Variants in ARHGEF1 observed in about 807,000 individuals in gnomAD.
ARHGEF1 encodes 115 kDa guanine nucleotide exchange factor.
In ARHGEF1, 40 loss-of-function variants were observed where a neutral mutation model predicts 119.7. That is an observed-to-expected ratio of 0.33 (90% CI 0.26 to 0.44). ARHGEF1 has a LOEUF of 0.44. Ranked by LOEUF, ARHGEF1 falls within the 20% of genes least tolerant of loss-of-function variation. The pLI, the probability that ARHGEF1 is intolerant of heterozygous loss-of-function variation, is 1.00. For missense variants in ARHGEF1, 976 were observed against 1,268.3 expected, an observed-to-expected ratio of 0.77 and a Z score of 3.50; for synonymous variants, 494 against 521.0, an observed-to-expected ratio of 0.95 and a Z score of 0.71.
intron 18 of ARHGEF1, among the ~76,000 whole-genome samples, chr19:41,918,003 G>A (rs2074812355): frequency 2.6e-5 from 4 of 151,904 alleles, no homozygotes; most frequent in Admixed American, 6.5e-5. Context: ...CTCAGGGGCC[G>A]GCCCTCGACA....
At chr19:41,885,650 CAG>C (rs562732328) in intron 1 of ARHGEF1, among the ~76,000 whole-genome samples, 1 of 152,126 alleles carries the variant, frequency 6.6e-6, no homozygotes, top group Non-Finnish European at 1.5e-5. Flanking sequence ...TTAGTAGAGA[CAG>C]GGTTTCACTA....
chr19:41,903,169 G>A lies in ARHGEF1; in HGVS notation c.1739-138G>A, dbSNP rs1555849413. ...ACTCCTGGTCTCAAGCTATCCTCCC[G>A]CCTCAGCCTCCCAAAGTGCTTGGAT... On this transcript the variant is annotated intron_variant, in intron 18 of 28. Transcript: ENST00000354532. This position sits in a 1 kb window ranked among gnomAD's most constrained non-coding sequence, Gnocchi z 4.2. 5 of 748,764 alleles carry A rather than the reference G, an allele frequency of 6.7e-6. No homozygotes were observed. Among genetic ancestry groups the A allele is most frequent in the East Asian group, 5.4e-5 (2 of 36,952 alleles). 46.4% of individuals were successfully genotyped at this position (748,764 alleles called of 1,614,324 possible).
chr19:41,908,547 G>C (rs574000479), downstream of ARHGEF1: 1 of 1,231,734 alleles, frequency 8.1e-7, no homozygotes. This position sits in a 1 kb window ranked among gnomAD's most constrained non-coding sequence, Gnocchi z 6.7. Context: ...GTAGAAATGC[G>C]GGGGGTAGAG....
chr19:41,892,797 GC>G lies in ARHGEF1; in HGVS notation c.565del (p.Arg189GlyfsTer61), dbSNP rs1555846559. ...WVGRDRASYEARERHVAERLL... is the reference protein window; with the variant it reads ...WVGRDRASYEXRERHVAERLL... The stretch of plus-strand genomic sequence containing the variant: ...TGGGCGGGACCGAGCCAGCTACGAG[GC>G]CCGGGAGCGGCACGTGGCGGAGCGG... On this transcript the variant is annotated frameshift_variant, in exon 7 of 29. Coordinates refer to ENST00000354532, the MANE Select transcript of ARHGEF1 (RefSeq NM_004706.4). LOFTEE classifies it high-confidence loss of function. This position sits in a 1 kb window ranked among gnomAD's most constrained non-coding sequence, Gnocchi z 6.3. 2 of 1,595,622 alleles carry G rather than the reference GC, an allele frequency of 1.3e-6. No homozygotes were observed. The highest frequency in any genetic ancestry group is 8.5e-7 in the Non-Finnish European group (1 of 1,173,816).
intron 1 of ARHGEF1, among the ~76,000 whole-genome samples, chr19:41,925,714 T>C (rs892177962): frequency 6.6e-6 from 1 of 151,946 alleles, no homozygotes; most frequent in Non-Finnish European, 1.5e-5. Context: ...GAAAGACAGG[T>C]ACGGGGGAAT....
chr19:41,895,210 G>T, intron 11 of ARHGEF1, 139 bp from the exon 12 acceptor site: 1 of 1,153,438 alleles, frequency 8.7e-7, no homozygotes, highest in South Asian at 1.5e-5. Flanking sequence ...AGGGGTTGAG[G>T]GCTCCTGGGT....
upstream of ARHGEF1, among the ~76,000 whole-genome samples, chr19:41,918,301 C>T (rs902051004): frequency 4.0e-5 from 6 of 151,430 alleles, no homozygotes; most frequent in Non-Finnish European, 7.4e-5. Flanking sequence ...ACCACAGACA[C>T]ACCTAGCCCC....
At chr19:41,897,410 C>T (rs1357277373) in intron 13 of ARHGEF1, 31 of 1,033,868 alleles carry the variant, frequency 3.0e-5, no homozygotes, top group Non-Finnish European at 3.7e-5. Flanking sequence ...TGGCCACTCC[C>T]TCCCCTTCAC....
rs1393792312 is a variant in ARHGEF1 at position 41,896,490 on chromosome 19, G to A, written c.1121+8G>A. 6.7e-6 allele frequency: 10 copies of A among 1,494,816 alleles called. No individual in the cohort carries two copies. The highest frequency in any genetic ancestry group is 8.9e-6 in the Non-Finnish European group (10 of 1,119,788). 92.6% of individuals were successfully genotyped at this position (1,494,816 alleles called of 1,614,324 possible). A position where few individuals can be genotyped will look rare whatever the true frequency, so the allele number is the denominator to read the frequency against. Reference sequence around the variant, plus strand: ...GGGGGCCGAAACCGAGAGGTGCCCAGGCTGGGGTGCAGGGGCGGGAGGTGT... The same window carrying A: ...GGGGGCCGAAACCGAGAGGTGCCCAAGCTGGGGTGCAGGGGCGGGAGGTGT... On this transcript the variant is annotated splice_region_variant and intron_variant, in intron 13 of 28. Transcript: ENST00000354532.
chr19:41,926,994 T>G (rs1374653272), intron 1 of ARHGEF1, among the ~76,000 whole-genome samples: 1 of 147,854 alleles, frequency 6.8e-6, no homozygotes, highest in African/African-American at 2.5e-5. Context: ...GAGAGAGAGA[T>G]AGATGCCGAG....
intron 13 of ARHGEF1, chr19:41,897,740 T>C (rs1470296845): frequency 6.3e-6 from 3 of 478,002 alleles, no homozygotes; most frequent in Non-Finnish European, 7.1e-6. Flanking sequence ...TCTGTCCCTG[T>C]CCTGGTCTCT....
In ARHGEF1 at chr19:41,904,149, G is replaced by T; in HGVS notation, c.1993+39G>T. The T allele has an allele frequency of 6.2e-7, 1 of 1,613,808 alleles. No individual in the cohort carries two copies. Among genetic ancestry groups the T allele is most frequent in the Non-Finnish European group, 8.5e-7 (1 of 1,179,724 alleles). ...CAGCTGCCTAGTGCAGGGTGTTGGG[G>T]CAGTGAGCCAAGGGCGGGGAGGGGG... On this transcript the variant is annotated intron_variant, in intron 21 of 28. Transcript: ENST00000354532. The surrounding 1 kb of genome is among the most constrained non-coding windows in gnomAD (Gnocchi z 8.4).
At chr19:41,896,592 C>A in intron 13 of ARHGEF1, 110 bp downstream of exon 13, 1 of 850,480 alleles carries the variant, frequency 1.2e-6, no homozygotes, top group Non-Finnish European at 2.0e-6. Flanking sequence ...TCTTGCTCCC[C>A]ATGCTCCTCT....
chr19:41,905,053 G>A lies in ARHGEF1; in HGVS notation c.2249+17G>A. ...GCGGAAAAAGTGAGGGGGGGTCTGA[G>A]TTCTGAGTGTGGGTGGAGGACGCCC... On this transcript the variant is annotated intron_variant, in intron 23 of 28. Transcript: ENST00000354532. This position sits in a 1 kb window ranked among gnomAD's most constrained non-coding sequence, Gnocchi z 6.4. The A allele has an allele frequency of 6.2e-7, 1 of 1,613,926 alleles. No individual in the cohort carries two copies. The highest frequency in any genetic ancestry group is 1.3e-5 in the African/African-American group (1 of 75,052).
At chr19:41,895,186 G>A (rs2074461762) in intron 11 of ARHGEF1, among the ~76,000 whole-genome samples, 163 bp from the exon 12 acceptor site, 1 of 151,706 alleles carries the variant, frequency 6.6e-6, no homozygotes, top group Non-Finnish European at 1.5e-5. Context: ...CTGGACTCCT[G>A]TGTCTGAGGG....
Position 41,902,049 on chromosome 19 carries a change from G to T in ARHGEF1, c.1414+16G>T, listed in dbSNP as rs782496419. On this transcript the variant is annotated intron_variant, in intron 15 of 28. Coordinates refer to ENST00000354532, the MANE Select transcript of ARHGEF1 (RefSeq NM_004706.4). This position sits in a 1 kb window ranked among gnomAD's most constrained non-coding sequence, Gnocchi z 6.5. ...GAGGTGCATTGTGAGTGCAGAGCCAGGGTCCCTCTGTGTACCCCACTGCCC... is the reference window on the plus strand; with the variant it reads ...GAGGTGCATTGTGAGTGCAGAGCCATGGTCCCTCTGTGTACCCCACTGCCC... 1 of 1,607,976 alleles carries T rather than the reference G, an allele frequency of 6.2e-7. No individual in the cohort carries two copies. The highest frequency in any genetic ancestry group is 1.1e-5 in the South Asian group (1 of 90,442).
At position 41,907,239 on chromosome 19, in the gene ARHGEF1, G is replaced by A. The variant is rs1394928432; in HGVS notation, c.*152G>A. On this transcript the variant is annotated 3_prime_UTR_variant, in exon 29 of 29. Transcript: ENST00000354532. Reference sequence around the variant, plus strand: ...GGCCACGCCTGGGAGGGGCCCAGCTGGGGTTACTGGCCCCGCATGAGCCTC... The same window carrying A: ...GGCCACGCCTGGGAGGGGCCCAGCTAGGGTTACTGGCCCCGCATGAGCCTC... 3.3e-6 allele frequency: 5 copies of A among 1,520,818 alleles called. No individual in the cohort carries two copies. The highest frequency in any genetic ancestry group is 4.4e-6 in the Non-Finnish European group (5 of 1,138,762). 94.2% of individuals were successfully genotyped at this position (1,520,818 alleles called of 1,614,324 possible).
In ARHGEF1 at chr19:41,916,815, C is replaced by T. The variant is rs2145896807; in HGVS notation, c.1866-6277C>T. Among the ~76,000 whole-genome samples the T allele has an allele frequency of 6.6e-6, 1 of 151,720 alleles. No homozygotes were observed. The highest frequency in any genetic ancestry group is 2.1e-4 in the South Asian group (1 of 4,804). ...ACACAGTCACAATCACACACACACA[C>T]CAAGATCACGGACCCAAACATACGA... On this transcript the variant is annotated intron_variant, in intron 18 of 20. Transcript: ENST00000599589. This position sits in a 1 kb window ranked among gnomAD's most constrained non-coding sequence, Gnocchi z 5.4.
Position 41,888,652 on chromosome 19 carries a change from C to G in ARHGEF1, c.112-100C>G. The G allele has an allele frequency of 8.8e-7, 1 of 1,141,972 alleles. No homozygotes were observed. The highest frequency in any genetic ancestry group is 1.3e-6 in the Non-Finnish European group (1 of 777,484). 70.7% of individuals were successfully genotyped at this position (1,141,972 alleles called of 1,614,324 possible). A position where few individuals can be genotyped will look rare whatever the true frequency, so the allele number is the denominator to read the frequency against. On this transcript the variant is annotated intron_variant, in intron 3 of 28. Transcript: ENST00000354532. This position sits in a 1 kb window ranked among gnomAD's most constrained non-coding sequence, Gnocchi z 5.1. Reference sequence around the variant, plus strand: ...CCACTCCCCACTTCCCAGGAGCTAACCCTGGCTTGGATCCCTTGTGAAGTG... The same window carrying G: ...CCACTCCCCACTTCCCAGGAGCTAAGCCTGGCTTGGATCCCTTGTGAAGTG...
Sources: gnomAD v4.1 joint callset for allele counts (sites outside exome capture counted in the v4.1 genomes callset) on GRCh38, gnomAD v4.1.1 for gene constraint, Gnocchi (gnomAD v3.1) non-coding constraint, MANE v1.5 for transcripts, NCBI Gene and HGNC (gene_info 2026-07-23, HGNC 2026-07-21) for gene names.